SLC4A4: variants seen among roughly 807,000 people sequenced by gnomAD.
SLC4A4 encodes the protein solute carrier family 4 member 4.
In SLC4A4, 27 loss-of-function variants were observed where a neutral mutation model predicts 111.5. That is an observed-to-expected ratio of 0.24 (90% CI 0.18 to 0.33). The LOEUF is 0.33. SLC4A4 is among the 10% of genes least tolerant of loss of function. The pLI is 1.00. For missense variants in SLC4A4, 909 were observed against 1,315.5 expected (o/e 0.69, Z 4.78); for synonymous variants, 443 against 463.4 (o/e 0.96, Z 0.57).
chr4:71,439,486 C>T (rs1442123203), intron 7 of SLC4A4, among the ~76,000 whole-genome samples: 2 of 137,582 alleles, frequency 1.5e-5, no homozygotes, highest in Non-Finnish European at 3.2e-5. Flanking sequence ...AGAAAATCCC[C>T]AGCACCTCCA....
At chr4:71,210,416 C>T (rs1052065122) in intron 1 of SLC4A4, among the ~76,000 whole-genome samples, 1 of 152,166 alleles carries the variant, frequency 6.6e-6, no homozygotes, top group African/African-American at 2.4e-5. Flanking sequence ...GTAACAGTTG[C>T]CAGAAATGTT....
intron 15 of SLC4A4, among the ~76,000 whole-genome samples, chr4:71,491,222 C>T (rs1483807552): frequency 6.6e-6 from 1 of 151,836 alleles, no homozygotes; most frequent in Non-Finnish European, 1.5e-5. Context: ...AAATCTGGCT[C>T]ACCACTGTGG....
At chr4:71,197,710 G>T (rs1010657836) in intron 1 of SLC4A4, among the ~76,000 whole-genome samples, 3 of 152,008 alleles carry the variant, frequency 2.0e-5, no homozygotes, top group African/African-American at 7.3e-5. Context: ...ATGTACCCTA[G>T]AACTTAAAGT....
In SLC4A4 at chr4:71,452,836, C is replaced by T. The variant is rs1725894606; in HGVS notation, c.1323-659C>T. Among the ~76,000 whole-genome samples the T allele has an allele frequency of 2.6e-5, 4 of 152,270 alleles. No homozygotes were observed. The South Asian group carries it at 8.3e-4, about 32-fold the overall frequency. On this transcript the variant is annotated intron_variant, in intron 11 of 25. Transcript: ENST00000264485. ...CCTTCTTGGAGACCTTTTCTGGCCA[C>T]TCTATCTAAAATTTCAACCACCTTT...
At chr4:71,069,275 T>G (rs1459366897) in intron 1 of SLC4A4, among the ~76,000 whole-genome samples, 1 of 152,204 alleles carries the variant, frequency 6.6e-6, no homozygotes, top group Admixed American at 6.5e-5. Context: ...TTACAAGGAT[T>G]AGACTTTGTA....
At chr4:71,351,856 G>A (rs1030866995) in intron 5 of SLC4A4, among the ~76,000 whole-genome samples, 2 of 152,176 alleles carry the variant, frequency 1.3e-5, no homozygotes, top group Non-Finnish European at 2.9e-5. Context: ...CTACCACTTT[G>A]TAAATGAGAC....
intron 6 of SLC4A4, among the ~76,000 whole-genome samples, chr4:71,377,889 G>T (rs985907430): frequency 2.0e-5 from 3 of 152,214 alleles, no homozygotes; most frequent in Non-Finnish European, 4.4e-5. Context: ...AGAAGAAGAG[G>T]TTTAATTAGA....
intron 2 of SLC4A4, among the ~76,000 whole-genome samples, chr4:71,109,459 C>A (rs2148950926): frequency 6.6e-6 from 1 of 152,252 alleles, no homozygotes; most frequent in African/African-American, 2.4e-5. Context: ...CCTGTTGCAT[C>A]TCTGTGATCA....
At chr4:71,272,120 G>C (rs997599231) in intron 3 of SLC4A4, among the ~76,000 whole-genome samples, 1 of 152,162 alleles carries the variant, frequency 6.6e-6, no homozygotes, top group South Asian at 2.1e-4. Context: ...TAATCTTCTA[G>C]TGTTTCTACT....
chr4:71,556,779 C>G (rs890366470), intron 21 of SLC4A4, among the ~76,000 whole-genome samples: 24 of 151,890 alleles, frequency 1.6e-4, no homozygotes, highest in African/African-American at 5.3e-4. Flanking sequence ...AAAGAAAACC[C>G]TTTAAGTAGG....
chr4:71,105,160 T>TTTGAA (rs1742871332), intron 2 of SLC4A4, among the ~76,000 whole-genome samples: 2 of 145,050 alleles, frequency 1.4e-5, no homozygotes, highest in South Asian at 4.4e-4. Flanking sequence ...ATGAGTGAAC[T>TTTGAA]CCCATTCACA....
chr4:71,393,998 A>G (rs1719555557), intron 6 of SLC4A4, among the ~76,000 whole-genome samples: 1 of 152,184 alleles, frequency 6.6e-6, no homozygotes, highest in Non-Finnish European at 1.5e-5. Context: ...CTCTCACTTT[A>G]TACAAAAATC....
intron 3 of SLC4A4, among the ~76,000 whole-genome samples, chr4:71,330,310 T>C (rs1034516008): frequency 2.0e-5 from 3 of 152,132 alleles, no homozygotes; most frequent in Non-Finnish European, 2.9e-5. Flanking sequence ...CAGGGTAATA[T>C]AAGTCTCATA....
At chr4:71,482,945 G>A (rs1729019660) in intron 14 of SLC4A4, among the ~76,000 whole-genome samples, 1 of 151,618 alleles carries the variant, frequency 6.6e-6, no homozygotes, top group African/African-American at 2.4e-5. Flanking sequence ...GCAAGCTTCA[G>A]AGTCCCATCC....
intron 6 of SLC4A4, among the ~76,000 whole-genome samples, chr4:71,393,247 AC>A (rs1719480763): frequency 6.6e-6 from 1 of 152,170 alleles, no homozygotes; most frequent in African/African-American, 2.4e-5. Context: ...TGATGATATG[AC>A]TGTTTACATT....
intron 2 of SLC4A4, among the ~76,000 whole-genome samples, chr4:71,237,856 C>G (rs1452890): frequency 0.026 from 4,026 of 152,258 alleles, 167 homozygotes; most frequent in African/African-American, 0.087. Flanking sequence ...GCCTAAGTTT[C>G]TTAGGAAAAC....
intron 3 of SLC4A4, among the ~76,000 whole-genome samples, chr4:71,299,323 T>A (rs989875847): frequency 6.6e-6 from 1 of 152,186 alleles, no homozygotes. Context: ...AACACTTTAT[T>A]AAGACCTTAC....
intron 3 of SLC4A4, among the ~76,000 whole-genome samples, chr4:71,315,976 A>G (rs1726645595): frequency 6.6e-6 from 1 of 152,172 alleles, no homozygotes. Context: ...TTAGGATCCA[A>G]AGCTGCAAAG....
At chr4:71,300,797 G>A (rs1725191068) in intron 3 of SLC4A4, 1 of 366,802 alleles carries the variant, frequency 2.7e-6, no homozygotes, top group African/African-American at 2.1e-5. Flanking sequence ...GCCATCTGCA[G>A]CAGCAGTGCA....
Sources: gnomAD v4.1 joint callset for allele counts (sites outside exome capture counted in the v4.1 genomes callset) on GRCh38, gnomAD v4.1.1 for gene constraint, MANE v1.5 for transcripts, NCBI Gene and HGNC (gene_info 2026-07-23, HGNC 2026-07-21) for gene names.